Variants in MED13L observed in about 807,000 individuals in gnomAD.
MED13L encodes the protein mediator of RNA polymerase II transcription subunit 13-like.
A neutral mutation model predicts 220.9 loss-of-function variants in MED13L; 7 were observed. The ratio of observed to expected loss-of-function variants is 0.03; its 90% CI spans 0.02 to 0.06. The LOEUF is 0.06. Among genes scored for constraint, MED13L ranks in the 10% least tolerant of loss-of-function variants. The probability of loss-of-function intolerance (pLI) is 1.00; values close to 1 mark genes in which losing one functional copy is unlikely to be tolerated. For missense variants in MED13L, 1,965 were observed against 2,760.5 expected, an observed-to-expected ratio of 0.71 and a Z score of 6.46; for synonymous variants, 1,011 against 1,015.2, an observed-to-expected ratio of 1.00 and a Z score of 0.08.
rs541591852 is a variant in MED13L at position 115,966,325 on chromosome 12, A to T, written c.6226-82T>A. 1.5e-5 allele frequency: 22 copies of T among 1,472,380 alleles called. No individual in the cohort carries two copies. In the Middle Eastern group the frequency reaches 5.3e-4, roughly 36 times the overall value. 91.2% of individuals were successfully genotyped at this position (1,472,380 alleles called of 1,614,324 possible). A position where few individuals can be genotyped will look rare whatever the true frequency, so the allele number is the denominator to read the frequency against. On this transcript the variant is annotated intron_variant, in intron 28 of 30. Transcript: ENST00000281928. ...GAACTTTCATCAGTTCACTCTGCAC[A>T]CTGCAGTGAGTGATCCCCTTTGTGG...
intron 1 of MED13L, among the ~76,000 whole-genome samples, chr12:116,267,814 G>A (rs544810313): frequency 1.3e-5 from 2 of 152,320 alleles, no homozygotes; most frequent in South Asian, 2.1e-4. Context: ...TGCCTACTAT[G>A]CTACAGAAAA....
At position 116,201,492 on chromosome 12, in the gene MED13L, A is replaced by T. The variant is rs180845553; in HGVS notation, c.310+35976T>A. ...CAACATCATAAAACATTTGATTTTT[A>T]AAAATGGTGATCCAAATATTCAACA... On this transcript the variant is annotated intron_variant, in intron 2 of 30. Coordinates refer to ENST00000281928, the MANE Select transcript of MED13L (RefSeq NM_015335.5). Among the ~76,000 whole-genome samples the T allele has an allele frequency of 6.6e-5, 10 of 152,334 alleles. No individual in the cohort carries two copies. In the East Asian group the frequency reaches 1.9e-3, roughly 29 times the overall value.
At chr12:116,214,094 T>G (rs1320034037) in intron 2 of MED13L, among the ~76,000 whole-genome samples, 1 of 152,228 alleles carries the variant, frequency 6.6e-6, no homozygotes, top group Non-Finnish European at 1.5e-5. Context: ...GTGCAGCCAT[T>G]TTCCTGTACT....
chr12:115,998,953 T>C (rs1345352690), intron 14 of MED13L, among the ~76,000 whole-genome samples: 2 of 152,148 alleles, frequency 1.3e-5, no homozygotes, highest in African/African-American at 2.4e-5. Context: ...TAAAAATTTA[T>C]AGAAGTAGAA....
intron 2 of MED13L, among the ~76,000 whole-genome samples, chr12:116,156,402 T>TAAAAAAAAAAAAAA (rs11366103): frequency 8.4e-6 from 1 of 119,450 alleles, no homozygotes; most frequent in African/African-American, 3.1e-5. Context: ...TCCAATTACT[T>TAAAAAAAAAAAAAA]AAAAAAAAAA....
chr12:116,195,440 G>GCT (rs2138283552), intron 2 of MED13L, among the ~76,000 whole-genome samples: 1 of 152,216 alleles, frequency 6.6e-6, no homozygotes, highest in East Asian at 1.9e-4. Context: ...AGAAAAGCCT[G>GCT]AAAATAGTAT....
chr12:116,164,447 T>A (rs1045975297), intron 2 of MED13L, among the ~76,000 whole-genome samples: 1 of 152,282 alleles, frequency 6.6e-6, no homozygotes, highest in African/African-American at 2.4e-5. Context: ...ACACATTTTG[T>A]TTATTTATTT....
At chr12:115,994,796 G>A (rs912323214) in intron 16 of MED13L, among the ~76,000 whole-genome samples, 1 of 152,152 alleles carries the variant, frequency 6.6e-6, no homozygotes, top group Non-Finnish European at 1.5e-5. Flanking sequence ...GAGTACAATC[G>A]GAGCACAGCA....
intron 1 of MED13L, among the ~76,000 whole-genome samples, chr12:116,246,295 A>G (rs970569770): frequency 6.6e-6 from 1 of 152,232 alleles, no homozygotes; most frequent in African/African-American, 2.4e-5. Context: ...CTGAAGATTC[A>G]GGAAACAGAC....
At chr12:116,098,274 AAAC>A (rs1437556288) in intron 3 of MED13L, among the ~76,000 whole-genome samples, 1 of 151,990 alleles carries the variant, frequency 6.6e-6, no homozygotes, top group African/African-American at 2.4e-5. Flanking sequence ...ATAAAAATAA[AAAC>A]AAAAACATAA....
chr12:116,008,520 C>T lies in MED13L; in HGVS notation c.1893G>A (p.Lys631=). ...IRPSNPESSE[K]WWHSYRLPPS... ...GTGGGAGACGATAACTATGCCACCA[C>T]TTTTCTGATGACTCCGGGTTCGAGG... Residue 631 remains lysine (K), a synonymous_variant, in exon 10 of 31, where the codon AAG becomes AAA. Transcript: ENST00000281928. The T allele has an allele frequency of 6.2e-7, 1 of 1,613,974 alleles. No homozygotes were observed. Among genetic ancestry groups the T allele is most frequent in the Non-Finnish European group, 8.5e-7 (1 of 1,179,996 alleles).
At chr12:116,163,997 A>AG (rs1879067652) in intron 2 of MED13L, among the ~76,000 whole-genome samples, 1 of 152,202 alleles carries the variant, frequency 6.6e-6, no homozygotes, top group Non-Finnish European at 1.5e-5. Flanking sequence ...TGGGAGAAAA[A>AG]GGGAAATATT....
Position 115,996,520 on chromosome 12 carries a change from T to C in MED13L, c.2952A>G (p.Gln984=). The C allele has an allele frequency of 1.9e-6, 3 of 1,614,230 alleles. No homozygotes were observed. Among genetic ancestry groups the C allele is most frequent in the Non-Finnish European group, 2.5e-6 (3 of 1,180,028 alleles). Reference sequence around the variant, plus strand: ...AAGTGGCTGCAGGGGGCATGGGCAGTTGTTCAATTTTAGGAGGAATTGCCC... The same window carrying C: ...AAGTGGCTGCAGGGGGCATGGGCAGCTGTTCAATTTTAGGAGGAATTGCCC... The part of the protein sequence containing the change: ...PSWAIPPKIE[Q]LPMPPAATFI... The change falls in exon 16 of 31, where the codon CAA becomes CAG. Residue 984 remains glutamine, a synonymous_variant. Transcript: ENST00000281928.
At chr12:116,033,560 A>G (rs1268812865) in intron 4 of MED13L, among the ~76,000 whole-genome samples, 12 of 152,098 alleles carry the variant, frequency 7.9e-5, no homozygotes, top group Admixed American at 7.9e-4. Flanking sequence ...TCAAAGATCT[A>G]TTTCTTCCAG....
chr12:116,227,509 T>C (rs1565938388), intron 2 of MED13L, among the ~76,000 whole-genome samples: 1 of 152,236 alleles, frequency 6.6e-6, no homozygotes. Context: ...TTGGTAATTC[T>C]TGCAATATTT....
At chr12:116,097,290 C>T (rs1238138588) in intron 3 of MED13L, among the ~76,000 whole-genome samples, 1 of 151,968 alleles carries the variant, frequency 6.6e-6, no homozygotes, top group African/African-American at 2.4e-5. Context: ...GGATTATGGG[C>T]GTGCACCACC....
intron 19 of MED13L, 67 bp downstream of exon 19, chr12:115,986,199 T>C (rs1592917848): frequency 1.4e-6 from 2 of 1,436,492 alleles, no homozygotes; most frequent in East Asian, 2.3e-5. Context: ...TCTTGAAATT[T>C]AGTCATCACT....
At chr12:116,208,521 T>C (rs776330139) in intron 2 of MED13L, among the ~76,000 whole-genome samples, 6 of 152,228 alleles carry the variant, frequency 3.9e-5, no homozygotes, top group Admixed American at 6.5e-5. Context: ...TATCACCCCA[T>C]AGGGGAAAGT....
At chr12:116,017,234 A>G (rs755293292) in intron 7 of MED13L, among the ~76,000 whole-genome samples, 4 of 152,144 alleles carry the variant, frequency 2.6e-5, no homozygotes, top group Non-Finnish European at 5.9e-5. Context: ...CCACACTGAA[A>G]TCCCCCATCA....
Sources: gnomAD v4.1 joint callset for allele counts (sites outside exome capture counted in the v4.1 genomes callset) on GRCh38, gnomAD v4.1.1 for gene constraint, MANE v1.5 for transcripts, NCBI Gene and HGNC (gene_info 2026-07-23, HGNC 2026-07-21) for gene names.